CNGA1: variants seen among roughly 807,000 people sequenced by gnomAD.
CNGA1 encodes cyclic nucleotide gated channel subunit alpha 1, also known as cyclic nucleotide-gated channel alpha-1.
A neutral mutation model predicts 69.7 loss-of-function variants in CNGA1; 53 were observed. The observed-to-expected ratio is 0.76, with a 90% CI of 0.61 to 0.96. CNGA1 has a LOEUF of 0.96. CNGA1 is among the 40% of genes least tolerant of loss of function. The probability of loss-of-function intolerance (pLI) is 0.00; values close to 1 mark genes in which losing one functional copy is unlikely to be tolerated. For missense variants in CNGA1, 739 were observed against 811.2 expected, an observed-to-expected ratio of 0.91 and a Z score of 1.08; for synonymous variants, 249 against 283.5, an observed-to-expected ratio of 0.88 and a Z score of 1.22.
At position 48,011,412 on chromosome 4, in the gene CNGA1, T is replaced by TACAC. The variant is rs60964628; in HGVS notation, c.-222-523_-222-520dup. 6.8e-3 allele frequency among the ~76,000 whole-genome samples: 1,020 copies of TACAC among 150,494 alleles called. 9 individuals carry two copies. Among genetic ancestry groups the TACAC allele is most frequent in the Middle Eastern group, 0.031 (9 of 290 alleles). Reference sequence around the variant, plus strand: ...GCACACATGCACACACATGCACACATACACACACACACACACACATCTTGG... The same window carrying TACAC: ...GCACACATGCACACACATGCACACATACACACACACACACACACACACATCTTGG... On this transcript the variant is annotated intron_variant, in intron 1 of 10. Coordinates refer to ENST00000514170, the MANE Select transcript of CNGA1 (RefSeq NM_001379270.1).
chr4:47,941,977 A>T, intron 9 of CNGA1, 64 bp downstream of exon 9: 1 of 997,050 alleles, frequency 1.0e-6, no homozygotes, highest in Non-Finnish European at 1.6e-6. Flanking sequence ...TTGTTTAGTC[A>T]GTGAACTTGG....
At chr4:47,954,808 G>T (rs192027559) in intron 3 of CNGA1, among the ~76,000 whole-genome samples, 9 of 152,204 alleles carry the variant, frequency 5.9e-5, no homozygotes, top group Non-Finnish European at 1.3e-4. Flanking sequence ...CTTTTTGAAG[G>T]GGGGGTAAAG....
intron 2 of CNGA1, among the ~76,000 whole-genome samples, chr4:47,995,413 T>C (rs1193001297): frequency 6.6e-6 from 1 of 152,180 alleles, no homozygotes; most frequent in Non-Finnish European, 1.5e-5. Flanking sequence ...TCTAAATTTC[T>C]TTCTTCTACT....
chr4:47,952,881 G>C (rs1473980070), intron 3 of CNGA1, 178 bp from the exon 4 acceptor site: 11 of 369,412 alleles, frequency 3.0e-5, no homozygotes, highest in Non-Finnish European at 5.2e-5. Flanking sequence ...TGGCTAGGGG[G>C]AGCCTCACAA....
Position 47,940,491 on chromosome 4 carries a change from C to T in CNGA1, c.652+272G>A, listed in dbSNP as rs1282944041. Among the ~76,000 whole-genome samples the T allele has an allele frequency of 3.9e-5, 6 of 152,194 alleles. No individual in the cohort carries two copies. The East Asian group carries it at 1.2e-3, about 29-fold the overall frequency. ...GCAGAATATTTCTGCTCTCTCTATT[C>T]CTCTCGCCTGGCACAAAACCAATGA... On this transcript the variant is annotated intron_variant, in intron 10 of 10. Coordinates refer to ENST00000514170, the MANE Select transcript of CNGA1 (RefSeq NM_001379270.1).
At chr4:47,974,073 TA>T (rs1741203552) in intron 3 of CNGA1, among the ~76,000 whole-genome samples, 1 of 22,946 alleles carries the variant, frequency 4.4e-5, no homozygotes, top group African/African-American at 1.6e-4. Flanking sequence ...GGTCTCTAGA[TA>T]GATAGATAGA....
chr4:48,011,429 AC>A (rs1203657439), intron 1 of CNGA1, among the ~76,000 whole-genome samples: 2 of 151,728 alleles, frequency 1.3e-5, no homozygotes, highest in Non-Finnish European at 2.9e-5. Context: ...ACACACACAC[AC>A]ATCTTGGATG....
At chr4:47,951,125 C>T (rs1739713059) in intron 5 of CNGA1, among the ~76,000 whole-genome samples, 3 of 152,188 alleles carry the variant, frequency 2.0e-5, no homozygotes, top group Non-Finnish European at 4.4e-5. Context: ...CCTGAGATCC[C>T]ACATTGTGTG....
chr4:47,953,997 C>A (rs180931160), intron 3 of CNGA1, among the ~76,000 whole-genome samples: 1 of 151,948 alleles, frequency 6.6e-6, no homozygotes, highest in Non-Finnish European at 1.5e-5. Context: ...GCTGTCACGT[C>A]CCCCCCATCC....
chr4:47,969,605 G>A lies in CNGA1; in HGVS notation c.-15+11788C>T, dbSNP rs147415224. Among the ~76,000 whole-genome samples the A allele has an allele frequency of 3.4e-3, 512 of 152,174 alleles. 4 individuals are homozygous for A. Among genetic ancestry groups the A allele is most frequent in the African/African-American group, 0.012 (493 of 41,516 alleles). On this transcript the variant is annotated intron_variant, in intron 3 of 10. Coordinates refer to ENST00000514170, the MANE Select transcript of CNGA1 (RefSeq NM_001379270.1). ...CTGCCTCAGCCTCCCTAGTAGCTGG[G>A]ATTACAGGTGTGCACCACCAGGCCC...
intron 2 of CNGA1, among the ~76,000 whole-genome samples, chr4:47,995,297 T>C (rs1742434676): frequency 6.6e-6 from 1 of 152,172 alleles, no homozygotes; most frequent in African/African-American, 2.4e-5. Context: ...ATTCTTAGAT[T>C]TGGTTGGTTA....
chr4:47,965,576 A>G (rs9997675), intron 3 of CNGA1, among the ~76,000 whole-genome samples: 128,806 of 151,738 alleles, frequency 0.85, 54,933 homozygotes, highest in East Asian at 0.98. Flanking sequence ...ACAGGTGCCC[A>G]CCACCAGGCC....
chr4:48,009,768 C>T (rs1452981921), intron 2 of CNGA1, among the ~76,000 whole-genome samples: 1 of 152,168 alleles, frequency 6.6e-6, no homozygotes, highest in African/African-American at 2.4e-5. Flanking sequence ...CATGCCATTG[C>T]ACTCCAGCCT....
intron 3 of CNGA1, among the ~76,000 whole-genome samples, chr4:47,954,025 G>A (rs992380415): frequency 5.3e-5 from 8 of 152,048 alleles, no homozygotes; most frequent in Non-Finnish European, 1.5e-5. Context: ...ATATAAACCT[G>A]AGACCTTAGC....
chr4:47,975,513 T>C (rs572651553), intron 3 of CNGA1, among the ~76,000 whole-genome samples: 2 of 152,278 alleles, frequency 1.3e-5, no homozygotes, highest in South Asian at 4.1e-4. Flanking sequence ...TAACCCAATA[T>C]ATTTTCCAAT....
chr4:47,959,572 A>C (rs1184786397), intron 3 of CNGA1, among the ~76,000 whole-genome samples: 1 of 152,190 alleles, frequency 6.6e-6, no homozygotes, highest in Non-Finnish European at 1.5e-5. Flanking sequence ...GGGTAGGCAA[A>C]GTTTCTTAGA....
At chr4:47,949,763 A>G in intron 6 of CNGA1, 70 bp downstream of exon 6, 1 of 1,099,014 alleles carries the variant, frequency 9.1e-7, no homozygotes, top group Non-Finnish European at 1.4e-6. Context: ...ACAGATTCAG[A>G]TATATTCCTA....
Position 47,942,132 on chromosome 4 carries a change from C to A in CNGA1, c.454G>T (p.Val152Leu). The A allele has an allele frequency of 6.2e-7, 1 of 1,611,816 alleles. No individual in the cohort carries two copies. Among genetic ancestry groups the A allele is most frequent in the Non-Finnish European group, 8.5e-7 (1 of 1,178,026 alleles). The change falls in exon 9 of 11, where the codon GTG becomes TTG. Residue 152 changes from valine (V) to leucine (L), a missense_variant. Coordinates refer to ENST00000514170, the MANE Select transcript of CNGA1 (RefSeq NM_001379270.1). ...DKKEEEKKEV[V>L]VIDPSGNTYY... ...GTGTTTCCCGAGGGATCAATAACCA[C>A]AACTTCTTTCTTCTCCCTAGCGGCA...
intron 3 of CNGA1, among the ~76,000 whole-genome samples, chr4:47,952,968 C>A (rs1372117382): frequency 6.6e-6 from 1 of 152,086 alleles, no homozygotes; most frequent in Non-Finnish European, 1.5e-5. Context: ...AGCAGAACTC[C>A]CCTTTATAAA....
Sources: allele counts gnomAD v4.1 joint callset (sites outside exome capture counted in the v4.1 genomes callset), GRCh38; gene constraint gnomAD v4.1.1; transcripts MANE v1.5; gene names NCBI Gene and HGNC (gene_info 2026-07-23, HGNC 2026-07-21).